Variants in CDKAL1 observed in about 807,000 individuals in gnomAD.
CDKAL1 encodes threonylcarbamoyladenosine tRNA methylthiotransferase.
Under a neutral mutation model 68.2 loss-of-function variants are expected in CDKAL1, and 32 were observed. The observed-to-expected ratio is 0.47, with a 90% CI of 0.35 to 0.63. The LOEUF (loss-of-function observed/expected upper bound fraction) is 0.63, where lower values mean the gene tolerates loss of function less well. Ranked by LOEUF, CDKAL1 falls within the 30% of genes least tolerant of loss-of-function variation. The probability of loss-of-function intolerance (pLI) is 0.00; values close to 1 mark genes in which losing one functional copy is unlikely to be tolerated. For missense variants in CDKAL1, 606 were observed against 696.7 expected, an observed-to-expected ratio of 0.87 and a Z score of 1.47; for synonymous variants, 234 against 244.3, an observed-to-expected ratio of 0.96 and a Z score of 0.39.
chr6:21,151,134 A>G (rs9350323), intron 13 of CDKAL1, among the ~76,000 whole-genome samples: 53,777 of 152,008 alleles, frequency 0.35, 10,028 homozygotes, highest in African/African-American at 0.47. Flanking sequence ...TAGGGGTAGG[A>G]GTATGGGGAC....
At chr6:20,895,296 A>G (rs1761622694) in intron 9 of CDKAL1, among the ~76,000 whole-genome samples, 2 of 152,228 alleles carry the variant, frequency 1.3e-5, no homozygotes, top group Middle Eastern at 3.2e-3. Flanking sequence ...ATTACAAACA[A>G]TGCAATTGTA....
intron 10 of CDKAL1, among the ~76,000 whole-genome samples, chr6:20,994,032 C>T (rs1196916877): frequency 6.6e-6 from 1 of 152,180 alleles, no homozygotes; most frequent in Non-Finnish European, 1.5e-5. Flanking sequence ...ACATGCCCAC[C>T]AAATCTGCCC....
At chr6:20,593,246 A>G (rs1040210042) in intron 4 of CDKAL1, among the ~76,000 whole-genome samples, 7 of 152,196 alleles carry the variant, frequency 4.6e-5, no homozygotes, top group African/African-American at 1.7e-4. Flanking sequence ...AAGGAATGGT[A>G]CCAGCTCCTC....
chr6:21,156,517 T>G (rs1263382334), intron 13 of CDKAL1, among the ~76,000 whole-genome samples: 1 of 152,116 alleles, frequency 6.6e-6, no homozygotes, highest in African/African-American at 2.4e-5. Context: ...TTTTTTTCCT[T>G]TTTGTGCTTT....
In CDKAL1 at chr6:21,213,870, T is replaced by C. The variant is rs144592464; in HGVS notation, c.1548+12596T>C. Among the ~76,000 whole-genome samples, 138 of 152,312 alleles carry C rather than the reference T, an allele frequency of 9.1e-4. 1 individual carries two copies. Among genetic ancestry groups the C allele is most frequent in the African/African-American group, 3.2e-3 (133 of 41,584 alleles). On this transcript the variant is annotated intron_variant, in intron 15 of 15. Coordinates refer to ENST00000274695, the MANE Select transcript of CDKAL1 (RefSeq NM_017774.3). Reference sequence around the variant, plus strand: ...GGGAAACCAGGGACTCAGATACTTATATCCCAATATTCATACCAGCATTAT... The same window carrying C: ...GGGAAACCAGGGACTCAGATACTTACATCCCAATATTCATACCAGCATTAT...
chr6:21,062,920 T>A (rs1582122951), intron 11 of CDKAL1, among the ~76,000 whole-genome samples: 2 of 152,226 alleles, frequency 1.3e-5, no homozygotes, highest in South Asian at 4.2e-4. Context: ...GTTTGTTTGT[T>A]TGTTTGTTTT....
At position 20,669,826 on chromosome 6, in the gene CDKAL1, C is replaced by T. The variant is rs552048832; in HGVS notation, c.371+20449C>T. 2.0e-4 allele frequency among the ~76,000 whole-genome samples: 31 copies of T among 152,100 alleles called. No individual in the cohort carries two copies. The South Asian group carries it at 4.2e-3, about 20-fold the overall frequency. ...TCACTGGTGAACTGTGTGAAGAAAC[C>T]GCAATCTGGGCACTAGATATGCTCA... On this transcript the variant is annotated intron_variant, in intron 5 of 15. Coordinates refer to ENST00000274695, the MANE Select transcript of CDKAL1 (RefSeq NM_017774.3).
intron 4 of CDKAL1, among the ~76,000 whole-genome samples, chr6:20,572,087 A>C (rs1009806284): frequency 6.6e-6 from 1 of 152,210 alleles, no homozygotes; most frequent in African/African-American, 2.4e-5. Flanking sequence ...ATTCTAATCT[A>C]TGCAGGTTGG....
chr6:20,726,702 G>C (rs914239211), intron 5 of CDKAL1, among the ~76,000 whole-genome samples: 3 of 152,160 alleles, frequency 2.0e-5, no homozygotes, highest in African/African-American at 7.2e-5. Context: ...CTTTGAAGAG[G>C]AAAAGGACAG....
At chr6:20,822,654 T>C (rs1777335370) in intron 8 of CDKAL1, among the ~76,000 whole-genome samples, 1 of 152,160 alleles carries the variant, frequency 6.6e-6, no homozygotes, top group African/African-American at 2.4e-5. Context: ...AAATGAATTA[T>C]GAGGATGGTT....
At position 21,231,014 on chromosome 6, in the gene CDKAL1, CT is replaced by C; in HGVS notation, c.1722del (p.Phe574LeufsTer39). 8 of 1,607,276 alleles carry C rather than the reference CT, an allele frequency of 5.0e-6. No individual in the cohort carries two copies. The highest frequency in any genetic ancestry group is 2.2e-5 in the South Asian group (2 of 90,178). On this transcript the variant is annotated frameshift_variant, in exon 16 of 16. Transcript: ENST00000274695. LOFTEE classifies it high-confidence loss of function. ...VGLALLGLLF[A>X]FFVKVYN Reference sequence around the variant, plus strand: ...TTGGCTCTGCTGGGTCTTCTTTTTGCTTTTTTTGTCAAGGTCTATAATTAGA... The same window carrying C: ...TTGGCTCTGCTGGGTCTTCTTTTTGCTTTTTTGTCAAGGTCTATAATTAGA...
intron 9 of CDKAL1, among the ~76,000 whole-genome samples, chr6:20,916,981 G>A (rs927492033): frequency 6.6e-6 from 1 of 151,990 alleles, no homozygotes; most frequent in African/African-American, 2.4e-5. Flanking sequence ...CTTTTTGTTT[G>A]TTTTTGTTTT....
intron 8 of CDKAL1, among the ~76,000 whole-genome samples, chr6:20,814,514 G>A (rs113422039): frequency 6.6e-6 from 1 of 152,064 alleles, no homozygotes; most frequent in African/African-American, 2.4e-5. Flanking sequence ...TCCTGGCTTC[G>A]GGTGATCCAC....
intron 15 of CDKAL1, among the ~76,000 whole-genome samples, chr6:21,217,812 G>A (rs563241456): frequency 1.4e-4 from 22 of 152,084 alleles, no homozygotes; most frequent in Admixed American, 5.2e-4. Context: ...TTGCAGAGAC[G>A]GGAACTCGCT....
chr6:21,213,266 G>A (rs1182436911), intron 15 of CDKAL1, among the ~76,000 whole-genome samples: 2 of 152,274 alleles, frequency 1.3e-5, no homozygotes, highest in Non-Finnish European at 2.9e-5. Flanking sequence ...TAAAGCTTGG[G>A]AAGCCCTGAA....
At chr6:20,574,175 A>G (rs1479418477) in intron 4 of CDKAL1, among the ~76,000 whole-genome samples, 2 of 152,184 alleles carry the variant, frequency 1.3e-5, no homozygotes, top group Non-Finnish European at 2.9e-5. Flanking sequence ...AAGCTTTTTA[A>G]TATGGACCTC....
chr6:21,110,738 C>T (rs1774079998), intron 13 of CDKAL1, among the ~76,000 whole-genome samples: 1 of 152,120 alleles, frequency 6.6e-6, no homozygotes, highest in Non-Finnish European at 1.5e-5. Flanking sequence ...GCTGGAGGAT[C>T]ACTTGAGCGC....
chr6:20,874,579 G>C (rs1581741301), intron 9 of CDKAL1, among the ~76,000 whole-genome samples: 1 of 152,040 alleles, frequency 6.6e-6, no homozygotes, highest in African/African-American at 2.4e-5. Flanking sequence ...GCAGTGGTGT[G>C]ATCTTGGCTC....
intron 5 of CDKAL1, among the ~76,000 whole-genome samples, chr6:20,733,722 G>T (rs942676754): frequency 6.6e-6 from 1 of 152,172 alleles, no homozygotes; most frequent in African/African-American, 2.4e-5. Context: ...GCCAGCTCCA[G>T]CACTAACTAT....
Sources: gnomAD v4.1 joint callset for allele counts (sites outside exome capture counted in the v4.1 genomes callset) on GRCh38, gnomAD v4.1.1 for gene constraint, MANE v1.5 for transcripts, NCBI Gene and HGNC (gene_info 2026-07-23, HGNC 2026-07-21) for gene names.